Variants in GOLGA5 observed in about 807,000 individuals in gnomAD.
GOLGA5 encodes the protein golgin subfamily A member 5.
A neutral mutation model predicts 93.5 loss-of-function variants in GOLGA5; 50 were observed. The ratio of observed to expected loss-of-function variants is 0.53; its 90% CI spans 0.43 to 0.68. The LOEUF (loss-of-function observed/expected upper bound fraction) is 0.68. Among genes scored for constraint, GOLGA5 ranks in the 30% least tolerant of loss-of-function variants. The pLI is 0.00. For missense variants in GOLGA5, 760 were observed against 856.4 expected, an observed-to-expected ratio of 0.89 and a Z score of 1.40; for synonymous variants, 312 against 304.5, an observed-to-expected ratio of 1.02 and a Z score of -0.26.
chr14:92,819,885 A>C (rs17128596), intron 8 of GOLGA5, 49 bp downstream of exon 8: 1 of 1,587,140 alleles, frequency 6.3e-7, no homozygotes, highest in African/African-American at 1.4e-5. Flanking sequence ...TCTAGCGGTC[A>C]TATGAGCAGA....
intron 1 of GOLGA5, among the ~76,000 whole-genome samples, chr14:92,796,701 T>C (rs1884735711): frequency 6.6e-6 from 1 of 151,148 alleles, no homozygotes; most frequent in Admixed American, 6.6e-5. Flanking sequence ...CCGGGCGCGG[T>C]GGCTCACGCC....
At chr14:92,838,644 G>A (rs1023486225) in intron 12 of GOLGA5, among the ~76,000 whole-genome samples, 1 of 152,170 alleles carries the variant, frequency 6.6e-6, no homozygotes, top group Non-Finnish European at 1.5e-5. Flanking sequence ...GGGATTACAG[G>A]TGTGAGCCAC....
At position 92,811,648 on chromosome 14, in the gene GOLGA5, A is replaced by C; in HGVS notation, c.1214A>C (p.Lys405Thr). 1 of 1,612,586 alleles carries C rather than the reference A, an allele frequency of 6.2e-7. No individual in the cohort carries two copies. Among genetic ancestry groups the C allele is most frequent in the South Asian group, 1.1e-5 (1 of 90,934 alleles). ...GAAAGAAAATACTCAGATGAGAAGA[A>C]GAGGGTTGATGAACTGCAGCAGCAA... Reference protein sequence around the residue: ...LAERKYSDEKKRVDELQQQVK... With the variant: ...LAERKYSDEKTRVDELQQQVK... Residue 405 changes from lysine to threonine, a missense_variant, in exon 6 of 13, where the codon AAG becomes ACG. By Grantham distance (78) the Lys-to-Thr change is moderately conservative. Transcript: ENST00000163416.
intron 9 of GOLGA5, among the ~76,000 whole-genome samples, chr14:92,831,214 A>G (rs184851264): frequency 1.5e-3 from 230 of 152,314 alleles, no homozygotes; most frequent in Middle Eastern, 6.8e-3. Flanking sequence ...GCTGTTTCTG[A>G]TAAGGCTAAC....
rs764648508 is a variant in GOLGA5 at position 92,824,638 on chromosome 14, G to A, written c.1713G>A (p.Arg571=). 6.5e-7 allele frequency: 1 copy of A among 1,546,078 alleles called. No homozygotes were observed. ...GAGACGAAGAAATTCAAAAACTCAGGAATCAGGTATGAATCACTATTCACA... is the reference window on the plus strand; with the variant it reads ...GAGACGAAGAAATTCAAAAACTCAGAAATCAGGTATGAATCACTATTCACA... ...KDRDEEIQKL[R]NQLTNKTLSN... Residue 571 remains arginine, a synonymous_variant, in exon 9 of 13, where the codon AGG becomes AGA. Coordinates refer to ENST00000163416, the MANE Select transcript of GOLGA5 (RefSeq NM_005113.4).
intron 1 of GOLGA5, among the ~76,000 whole-genome samples, 190 bp from the exon 2 acceptor site, chr14:92,797,218 G>A (rs1348641978): frequency 6.6e-6 from 1 of 152,018 alleles, no homozygotes; most frequent in Non-Finnish European, 1.5e-5. Context: ...TATAAGGTAA[G>A]TACACTTTCC....
Position 92,835,612 on chromosome 14 carries a change from G to C in GOLGA5, c.1999G>C (p.Ala667Pro). The C allele has an allele frequency of 6.2e-7, 1 of 1,613,656 alleles. No individual in the cohort carries two copies. The change falls in exon 11 of 13, where the codon GCA becomes CCA. Residue 667 changes from alanine (A) to proline (P), a missense_variant. Transcript: ENST00000163416. ...TTTTAATGACACAGAAACTAATCTGGCAGGAATGTACGGAAAAGTTCGCAA... is the reference window on the plus strand; with the variant it reads ...TTTTAATGACACAGAAACTAATCTGCCAGGAATGTACGGAAAAGTTCGCAA... Reference protein sequence around the residue: ...VLFNDTETNLAGMYGKVRKAA... With the variant: ...VLFNDTETNLPGMYGKVRKAA...
At chr14:92,820,152 A>G (rs1243654400) in intron 8 of GOLGA5, among the ~76,000 whole-genome samples, 2 of 152,224 alleles carry the variant, frequency 1.3e-5, no homozygotes, top group African/African-American at 4.8e-5. Context: ...GCGTTCCCTC[A>G]GTATTTATTG....
intron 8 of GOLGA5, 116 bp downstream of exon 8, chr14:92,819,952 C>G (rs1236558623): frequency 3.3e-6 from 3 of 904,896 alleles, no homozygotes; most frequent in Non-Finnish European, 5.0e-6. Context: ...GGTTACCCCA[C>G]AAGTTCCTCC....
Position 92,810,307 on chromosome 14 carries a change from C to G in GOLGA5, c.1046C>G (p.Thr349Ser), listed in dbSNP as rs368926369. ...AGCCTGCAGAATCAAGCTCTGCAGA[C>G]TTTTCAGGAGAGACTGCATGAAGCG... ...GNSLQNQALQ[T>S]FQERLHEADA... Residue 349 changes from threonine to serine, a missense_variant, in exon 5 of 13, where the codon ACT becomes AGT. Transcript: ENST00000163416. 13 of 1,603,080 alleles carry G rather than the reference C, an allele frequency of 8.1e-6. No individual in the cohort carries two copies. The highest frequency in any genetic ancestry group is 1.1e-5 in the Non-Finnish European group (13 of 1,172,418).
In GOLGA5 at chr14:92,816,287, T is replaced by C. The variant is rs773480047; in HGVS notation, c.1357T>C (p.Ser453Pro). The C allele has an allele frequency of 6.2e-7, 1 of 1,613,694 alleles. No individual in the cohort carries two copies. The highest frequency in any genetic ancestry group is 8.5e-7 in the Non-Finnish European group (1 of 1,179,718). The change falls in exon 7 of 13, where the codon TCT becomes CCT. Residue 453 changes from serine (S) to proline (P), a missense_variant. Transcript: ENST00000163416. ...ATTGATTAACAGCTTGAAAGAAGGC[T>C]CTGGTTTTGAAGGCCTAGATAGCAG... The part of the protein sequence containing the change: ...EKLINSLKEG[S>P]GFEGLDSSTA...
chr14:92,795,502 T>A (rs1884706653), intron 1 of GOLGA5, among the ~76,000 whole-genome samples: 1 of 152,178 alleles, frequency 6.6e-6, no homozygotes, highest in African/African-American at 2.4e-5. Context: ...TTTCCACATT[T>A]GCTTTAAAAA....
chr14:92,833,340 T>G lies in GOLGA5; in HGVS notation c.1938T>G (p.Asn646Lys). The change falls in exon 10 of 13, where the codon AAT becomes AAG. Residue 646 changes from asparagine (N) to lysine (K), a missense_variant. Physicochemically the swap from Asn to Lys is moderately conservative, Grantham distance 94. Coordinates refer to ENST00000163416, the MANE Select transcript of GOLGA5 (RefSeq NM_005113.4). The part of the protein sequence containing the change: ...GSSINMSGID[N>K]GEGTRLRNVP... Reference sequence around the variant, plus strand: ...CGATTAATATGTCTGGAATTGACAATGGTGAAGGTAATCAAAAAAGGAATC... The same window carrying G: ...CGATTAATATGTCTGGAATTGACAAGGGTGAAGGTAATCAAAAAAGGAATC... 1 of 1,582,440 alleles carries G rather than the reference T, an allele frequency of 6.3e-7. No homozygotes were observed. Among genetic ancestry groups the G allele is most frequent in the Non-Finnish European group, 8.7e-7 (1 of 1,151,218 alleles).
rs1221179535 is a variant in GOLGA5 at position 92,797,728 on chromosome 14, T to C, written c.291T>C (p.Pro97=). The change falls in exon 2 of 13, where the codon CCT becomes CCC. Residue 97 remains proline, a synonymous_variant. Transcript: ENST00000163416. ...GSRTPVEASH[P]VENASVPRPS... ...GGACACCAGTAGAGGCCTCTCATCC[T>C]GTTGAAAATGCATCTGTTCCTAGGC... 6.2e-7 allele frequency: 1 copy of C among 1,613,772 alleles called. No individual in the cohort carries two copies. Among genetic ancestry groups the C allele is most frequent in the Non-Finnish European group, 8.5e-7 (1 of 1,179,874 alleles).
intron 8 of GOLGA5, 119 bp from the exon 9 acceptor site, chr14:92,824,427 G>A (rs1885373695): frequency 2.3e-5 from 13 of 576,372 alleles, no homozygotes; most frequent in Middle Eastern, 2.7e-4. Flanking sequence ...AGTTATATAC[G>A]GAGTTACATG....
At chr14:92,827,737 A>G (rs1421681335) in intron 9 of GOLGA5, among the ~76,000 whole-genome samples, 1 of 152,248 alleles carries the variant, frequency 6.6e-6, no homozygotes, top group Admixed American at 6.5e-5. Context: ...TTAAATGCAA[A>G]GGAAAAGTTC....
At chr14:92,826,867 A>G (rs993378705) in intron 9 of GOLGA5, among the ~76,000 whole-genome samples, 4 of 152,206 alleles carry the variant, frequency 2.6e-5, no homozygotes, top group Non-Finnish European at 5.9e-5. Context: ...GAGAACGTGT[A>G]GGAGAATCTT....
intron 9 of GOLGA5, among the ~76,000 whole-genome samples, chr14:92,827,457 A>G (rs940145561): frequency 1.8e-4 from 28 of 152,328 alleles, no homozygotes; most frequent in African/African-American, 6.5e-4. Flanking sequence ...AACTTAATCC[A>G]TAAATGTGTG....
At chr14:92,826,431 C>T (rs1317318675) in intron 9 of GOLGA5, among the ~76,000 whole-genome samples, 1 of 151,566 alleles carries the variant, frequency 6.6e-6, no homozygotes, top group Non-Finnish European at 1.5e-5. Context: ...TTTCATTTTT[C>T]ACACCTGTAA....
Sources: allele counts gnomAD v4.1 joint callset (sites outside exome capture counted in the v4.1 genomes callset), GRCh38; gene constraint gnomAD v4.1.1; transcripts MANE v1.5; gene names NCBI Gene and HGNC (gene_info 2026-07-23, HGNC 2026-07-21).